DCDC1: variants seen among roughly 807,000 people sequenced by gnomAD.
DCDC1 encodes doublecortin domain containing 1.
In DCDC1, 200 loss-of-function variants were observed where a neutral mutation model predicts 178.3. The observed-to-expected ratio is 1.12, with a 90% confidence interval of 1.00 to 1.26. DCDC1 has a LOEUF of 1.26. Among genes scored for constraint, DCDC1 ranks in the 50% most tolerant of loss-of-function variants. The pLI is 0.00. For missense variants in DCDC1, 1,983 were observed against 1,749.2 expected (o/e 1.13, Z -2.38); for synonymous variants, 690 against 604.8 (o/e 1.14, Z -2.07).
chr11:31,214,145 G>A (rs756694804), intron 9 of DCDC1, among the ~76,000 whole-genome samples: 19 of 151,858 alleles, frequency 1.3e-4, no homozygotes, highest in Admixed American at 2.6e-4. Context: ...AGGTGAATAG[G>A]TGACCACATG....
intron 11 of DCDC1, among the ~76,000 whole-genome samples, chr11:31,126,770 T>G (rs1335236622): frequency 6.6e-6 from 1 of 152,186 alleles, no homozygotes; most frequent in Non-Finnish European, 1.5e-5. Flanking sequence ...AATATTAACT[T>G]GACAAACTTA....
intron 20 of DCDC1, among the ~76,000 whole-genome samples, chr11:31,063,473 T>C (rs977536034): frequency 3.3e-5 from 5 of 152,194 alleles, no homozygotes; most frequent in Non-Finnish European, 7.4e-5. Flanking sequence ...AACCATAGAC[T>C]GGATTAAGAA....
chr11:31,000,757 G>A (rs1269585500), intron 20 of DCDC1, among the ~76,000 whole-genome samples: 2 of 151,554 alleles, frequency 1.3e-5, no homozygotes, highest in African/African-American at 4.9e-5. Context: ...CCAGGACTGA[G>A]CCATGTTCCA....
In DCDC1 at chr11:30,892,991, G is replaced by T. The variant is rs1943913502; in HGVS notation, c.4909C>A (p.Leu1637Ile). 2 of 1,613,740 alleles carry T rather than the reference G, an allele frequency of 1.2e-6. No homozygotes were observed. Among genetic ancestry groups the T allele is most frequent in the Non-Finnish European group, 1.7e-6 (2 of 1,179,824 alleles). The change falls in exon 36 of 39, where the codon CTT (leucine) becomes ATT (isoleucine). Residue 1637 changes from leucine to isoleucine, a missense_variant. By Grantham distance (5) the Leu-to-Ile change is conservative. Transcript: ENST00000684477. ...MELIRHTEAH[L>I]SEIQEMESKI... Reference sequence around the variant, plus strand: ...GATTCCATTTCTTGGATTTCAGAAAGGTGTGCCTGTCAAGAAAAGCCCAGA... The same window carrying T: ...GATTCCATTTCTTGGATTTCAGAAATGTGTGCCTGTCAAGAAAAGCCCAGA...
rs146713466 is a variant in DCDC1, at chr11:30,970,555, G to A, written c.2592-17987C>T. Among the ~76,000 whole-genome samples the A allele has an allele frequency of 1.8e-4, 27 of 152,226 alleles. No individual in the cohort carries two copies. The South Asian group carries it at 4.2e-3, about 23-fold the overall frequency. On this transcript the variant is annotated intron_variant, in intron 20 of 38. Coordinates refer to ENST00000684477, the MANE Select transcript of DCDC1 (RefSeq NM_001387274.1). ...ACTGCTGCTGGCAGTTGCCACCAAGGCCAAAGCATGAGCCATTGGCAGTGA... is the reference window on the plus strand; with the variant it reads ...ACTGCTGCTGGCAGTTGCCACCAAGACCAAAGCATGAGCCATTGGCAGTGA...
intron 34 of DCDC1, among the ~76,000 whole-genome samples, chr11:30,899,217 C>A (rs532937698): frequency 3.4e-4 from 51 of 152,064 alleles, no homozygotes; most frequent in African/African-American, 1.1e-3. Context: ...CTGAAGCCCA[C>A]AAAACGTCTG....
chr11:31,214,142 T>A (rs995850047), intron 9 of DCDC1, among the ~76,000 whole-genome samples: 2 of 152,126 alleles, frequency 1.3e-5, no homozygotes, highest in African/African-American at 4.8e-5. Flanking sequence ...ATAAGGTGAA[T>A]AGGTGACCAC....
chr11:31,177,540 T>C lies in DCDC1; in HGVS notation c.1222-39756A>G, dbSNP rs143283231. On this transcript the variant is annotated intron_variant, in intron 9 of 38. Coordinates refer to ENST00000684477, the MANE Select transcript of DCDC1 (RefSeq NM_001387274.1). ...CTTATCCATCAGTAATAATCTTCAA[T>C]ATAAATGGATTAAATTCTCTGACTA... is the stretch of plus-strand genomic sequence containing the variant. Among the ~76,000 whole-genome samples the C allele has an allele frequency of 3.7e-4, 56 of 152,274 alleles. No individual in the cohort carries two copies. In the East Asian group the frequency reaches 0.01, roughly 28 times the overall value.
At chr11:31,182,696 C>T (rs559220592) in intron 9 of DCDC1, among the ~76,000 whole-genome samples, 50 of 152,208 alleles carry the variant, frequency 3.3e-4, no homozygotes, top group African/African-American at 9.4e-4. Context: ...CATCAACTAA[C>T]GGGCAAAATA....
At chr11:31,290,557 C>T (rs1947149894) in intron 7 of DCDC1, 90 bp downstream of exon 7, 1 of 1,292,896 alleles carries the variant, frequency 7.7e-7, no homozygotes. Flanking sequence ...TATTTGTTGG[C>T]ATCGATATTT....
intron 20 of DCDC1, among the ~76,000 whole-genome samples, chr11:30,988,762 C>G (rs1476522499): frequency 6.6e-6 from 1 of 152,168 alleles, no homozygotes; most frequent in Non-Finnish European, 1.5e-5. Flanking sequence ...AGAAAGTTTA[C>G]AAATTTGTGT....
At chr11:31,076,286 C>T (rs1438159637) in intron 18 of DCDC1, among the ~76,000 whole-genome samples, 1 of 152,082 alleles carries the variant, frequency 6.6e-6, no homozygotes, top group Non-Finnish European at 1.5e-5. Flanking sequence ...CTCTCAAATG[C>T]ATTTTATAAT....
chr11:30,950,013 T>A (rs1310835757), intron 21 of DCDC1, among the ~76,000 whole-genome samples: 2 of 151,922 alleles, frequency 1.3e-5, no homozygotes, highest in African/African-American at 4.8e-5. Context: ...TAATAAAAAA[T>A]GGGCAAAAGA....
chr11:30,974,478 T>A (rs1314605174), intron 20 of DCDC1, among the ~76,000 whole-genome samples: 1 of 151,408 alleles, frequency 6.6e-6, no homozygotes, highest in Non-Finnish European at 1.5e-5. Flanking sequence ...GCTAGAATCA[T>A]CAAGAAAAAA....
chr11:31,075,230 C>CT, intron 18 of DCDC1, among the ~76,000 whole-genome samples: 1 of 152,170 alleles, frequency 6.6e-6, no homozygotes, highest in African/African-American at 2.4e-5. Context: ...TTATTTCATT[C>CT]TTTTTAACAG....
At chr11:30,997,611 ACT>A (rs1028695939) in intron 20 of DCDC1, among the ~76,000 whole-genome samples, 4 of 152,090 alleles carry the variant, frequency 2.6e-5, no homozygotes, top group Non-Finnish European at 5.9e-5. Context: ...TTATTCTGAC[ACT>A]CTTTTTTATA....
At chr11:30,979,091 C>T (rs1280163831) in intron 20 of DCDC1, among the ~76,000 whole-genome samples, 1 of 152,152 alleles carries the variant, frequency 6.6e-6, no homozygotes, top group African/African-American at 2.4e-5. Flanking sequence ...CTCTACTCTC[C>T]TATTAATATA....
At chr11:30,984,259 G>A (rs1037146336) in intron 20 of DCDC1, among the ~76,000 whole-genome samples, 4 of 151,984 alleles carry the variant, frequency 2.6e-5, no homozygotes, top group African/African-American at 7.3e-5. Context: ...GTTTGGGCAC[G>A]TGTGTATACA....
At chr11:30,937,360 T>C (rs144222628) in intron 21 of DCDC1, among the ~76,000 whole-genome samples, 2,837 of 152,126 alleles carry the variant, frequency 0.019, 81 homozygotes, top group African/African-American at 0.064. Flanking sequence ...TTATCAAGGG[T>C]TCCTGGTGGG....
Sources: gnomAD v4.1 joint callset for allele counts (sites outside exome capture counted in the v4.1 genomes callset) on GRCh38, gnomAD v4.1.1 for gene constraint, MANE v1.5 for transcripts, NCBI Gene and HGNC (gene_info 2026-07-23, HGNC 2026-07-21) for gene names.